Variants in ANKRD13C observed in about 807,000 individuals in gnomAD.
ANKRD13C encodes the protein ankyrin repeat domain-containing protein 13C.
A neutral mutation model predicts 65.5 loss-of-function variants in ANKRD13C; 16 were observed. That is an observed-to-expected ratio of 0.24 (90% CI 0.17 to 0.37). ANKRD13C has a LOEUF of 0.37. ANKRD13C is among the 10% of genes least tolerant of loss of function. The probability of loss-of-function intolerance (pLI) is 1.00; values close to 1 mark genes in which losing one functional copy is unlikely to be tolerated. For missense variants in ANKRD13C, 503 were observed against 655.9 expected (o/e 0.77, Z 2.55); for synonymous variants, 235 against 238.7 (o/e 0.98, Z 0.14).
chr1:70,350,718 T>C (rs1400488046), intron 1 of ANKRD13C, among the ~76,000 whole-genome samples: 1 of 152,094 alleles, frequency 6.6e-6, no homozygotes, highest in Non-Finnish European at 1.5e-5. Flanking sequence ...TAGAGGGTCC[T>C]AATCAATAGA....
intron 11 of ANKRD13C, among the ~76,000 whole-genome samples, chr1:70,274,127 C>T (rs1343112328): frequency 6.6e-6 from 1 of 151,996 alleles, no homozygotes; most frequent in African/African-American, 2.4e-5. Context: ...AATTTCCATA[C>T]TTTTGGATTT....
intron 3 of ANKRD13C, among the ~76,000 whole-genome samples, chr1:70,317,927 C>G (rs1338074914): frequency 6.6e-6 from 1 of 152,106 alleles, no homozygotes; most frequent in Admixed American, 6.5e-5. Flanking sequence ...ATAATTGTAA[C>G]TGACTGAAGG....
At chr1:70,278,048 G>A (rs1679216267) in intron 9 of ANKRD13C, among the ~76,000 whole-genome samples, 1 of 151,766 alleles carries the variant, frequency 6.6e-6, no homozygotes, top group Non-Finnish European at 1.5e-5. Context: ...AATTAGCTGA[G>A]TGTGGTGGTG....
intron 12 of ANKRD13C, among the ~76,000 whole-genome samples, chr1:70,267,720 A>G (rs569230190): frequency 1.3e-5 from 2 of 151,840 alleles, no homozygotes; most frequent in East Asian, 3.9e-4. Flanking sequence ...TCCTTAGGTT[A>G]CCTATTTTTT....
intron 6 of ANKRD13C, among the ~76,000 whole-genome samples, chr1:70,304,854 C>G (rs961000765): frequency 3.9e-5 from 6 of 152,094 alleles, no homozygotes; most frequent in Non-Finnish European, 7.4e-5. Flanking sequence ...ATCAAAAATC[C>G]TTTTCTACTT....
At chr1:70,267,261 T>A (rs1041644595) in intron 12 of ANKRD13C, among the ~76,000 whole-genome samples, 3 of 152,226 alleles carry the variant, frequency 2.0e-5, no homozygotes, top group African/African-American at 4.8e-5. Flanking sequence ...TTGATTAGTG[T>A]TTGCATGATA....
At chr1:70,307,881 G>A (rs58997663) in intron 5 of ANKRD13C, among the ~76,000 whole-genome samples, 17,345 of 152,018 alleles carry the variant, frequency 0.11, 1,225 homozygotes, top group East Asian at 0.35. Context: ...GCCAGGAGTC[G>A]AAGGCTGAAG....
chr1:70,347,797 C>T (rs911509100), intron 1 of ANKRD13C, among the ~76,000 whole-genome samples: 30 of 152,138 alleles, frequency 2.0e-4, no homozygotes, highest in African/African-American at 7.2e-4. Context: ...ACTAAATCAA[C>T]CCTGATCAAT....
rs1558265399 is a variant in ANKRD13C at position 70,276,861 on chromosome 1, A to T, written c.1216-17T>A. 1 of 1,551,140 alleles carries T rather than the reference A, an allele frequency of 6.4e-7. No homozygotes were observed. The highest frequency in any genetic ancestry group is 1.4e-5 in the African/African-American group (1 of 72,002). ...TCGAATCGGCTGCCAAAAAAAAAAA[A>T]GAAAGAAAGTGGGGTGGGGGAGAAA... is the stretch of plus-strand genomic sequence containing the variant. On this transcript the variant is annotated splice_polypyrimidine_tract_variant and intron_variant, in intron 9 of 12. Transcript: ENST00000370944.
In ANKRD13C at chr1:70,261,737, G is replaced by T. The variant is rs1242935846; in HGVS notation, c.*980C>A. 6.6e-6 allele frequency: 1 copy of T among 152,402 alleles called. No individual in the cohort carries two copies. Among genetic ancestry groups the T allele is most frequent in the East Asian group, 1.9e-4 (1 of 5,194 alleles). The allele number at this position is 152,402 out of a possible 1,614,324, so 9.4% of individuals were successfully genotyped here. A position where few individuals can be genotyped will look rare whatever the true frequency, so the allele number is the denominator to read the frequency against. On this transcript the variant is annotated 3_prime_UTR_variant, in exon 13 of 13. Coordinates refer to ENST00000370944, the MANE Select transcript of ANKRD13C (RefSeq NM_030816.5). Reference sequence around the variant, plus strand: ...ATTTTGAAAGGATTAAATATGTAGGGTTGTCCAAAATATGTGTATTGTTTT... The same window carrying T: ...ATTTTGAAAGGATTAAATATGTAGGTTTGTCCAAAATATGTGTATTGTTTT...
At chr1:70,310,255 C>G (rs1430127527) in intron 5 of ANKRD13C, among the ~76,000 whole-genome samples, 2 of 152,170 alleles carry the variant, frequency 1.3e-5, no homozygotes, top group African/African-American at 4.8e-5. Flanking sequence ...TTGGCTTCCC[C>G]TTATTTTTCG....
chr1:70,275,993 A>T (rs957185264), intron 10 of ANKRD13C, among the ~76,000 whole-genome samples: 1 of 150,792 alleles, frequency 6.6e-6, no homozygotes, highest in Non-Finnish European at 1.5e-5. Flanking sequence ...CTATAAAAAT[A>T]TTAAGATGGA....
chr1:70,347,184 T>C (rs1682570046), intron 1 of ANKRD13C, among the ~76,000 whole-genome samples: 1 of 151,908 alleles, frequency 6.6e-6, no homozygotes, highest in Admixed American at 6.6e-5. Flanking sequence ...GAAAGACCTT[T>C]TCCCTTTTTC....
chr1:70,352,650 CT>C (rs1682797578), intron 1 of ANKRD13C, among the ~76,000 whole-genome samples: 1 of 152,186 alleles, frequency 6.6e-6, no homozygotes, highest in Admixed American at 6.5e-5. Flanking sequence ...GACTAATAAA[CT>C]GAAGCTACAA....
chr1:70,271,772 T>C (rs1678892717), intron 11 of ANKRD13C, among the ~76,000 whole-genome samples: 1 of 152,256 alleles, frequency 6.6e-6, no homozygotes, highest in Admixed American at 6.5e-5. Context: ...AATGTCATCC[T>C]ATAGATTTAG....
At chr1:70,326,397 T>C (rs1477946741) in intron 2 of ANKRD13C, among the ~76,000 whole-genome samples, 3 of 152,076 alleles carry the variant, frequency 2.0e-5, no homozygotes, top group African/African-American at 7.2e-5. Context: ...TGTTGGAATA[T>C]AACATGTAAA....
Position 70,338,776 on chromosome 1 carries a change from G to A in ANKRD13C, c.431-2677C>T, listed in dbSNP as rs539947298. On this transcript the variant is annotated intron_variant, in intron 1 of 12. Transcript: ENST00000370944. ...GTGGGTCAGATTCATAAACTATTCA[G>A]TGCCTTCAGTCTTCAGCATAATACA... Among the ~76,000 whole-genome samples the A allele has an allele frequency of 2.0e-5, 3 of 152,134 alleles. No individual in the cohort carries two copies. In the South Asian group the frequency reaches 6.2e-4, roughly 32 times the overall value.
At chr1:70,336,238 T>G (rs1238867804) in intron 1 of ANKRD13C, 139 bp from the exon 2 acceptor site, 1 of 243,894 alleles carries the variant, frequency 4.1e-6, no homozygotes, top group Non-Finnish European at 8.2e-6. Context: ...ATAATATTGC[T>G]TATATAGCAA....
Position 70,274,132 on chromosome 1 carries a change from G to A in ANKRD13C, c.1394+588C>T, listed in dbSNP as rs555934873. On this transcript the variant is annotated intron_variant, in intron 11 of 12. Coordinates refer to ENST00000370944, the MANE Select transcript of ANKRD13C (RefSeq NM_030816.5). Reference sequence around the variant, plus strand: ...TTATTCTGTAAATTTCCATACTTTTGGATTTTTTTAAAACAAGCATGTATT... The same window carrying A: ...TTATTCTGTAAATTTCCATACTTTTAGATTTTTTTAAAACAAGCATGTATT... Among the ~76,000 whole-genome samples, 6 of 151,990 alleles carry A rather than the reference G, an allele frequency of 3.9e-5. No individual in the cohort carries two copies. In the East Asian group the frequency reaches 9.7e-4, roughly 25 times the overall value.
Sources: allele counts gnomAD v4.1 joint callset (sites outside exome capture counted in the v4.1 genomes callset), GRCh38; gene constraint gnomAD v4.1.1; transcripts MANE v1.5; gene names NCBI Gene and HGNC (gene_info 2026-07-23, HGNC 2026-07-21).